Variants in PPP2R2C observed in about 807,000 individuals in gnomAD.
PPP2R2C encodes protein phosphatase 2, regulatory subunit B, gamma.
Under a neutral mutation model 45.3 loss-of-function variants are expected in PPP2R2C, and 10 were observed. The ratio of observed to expected loss-of-function variants is 0.22; its 90% CI spans 0.14 to 0.37. PPP2R2C has a LOEUF of 0.37. Among genes scored for constraint, PPP2R2C ranks in the 10% least tolerant of loss-of-function variants. The probability of loss-of-function intolerance (pLI) is 1.00; values close to 1 mark genes in which losing one functional copy is unlikely to be tolerated. For synonymous variants in PPP2R2C, 257 were observed against 245.4 expected (o/e 1.05, Z -0.44); for missense variants, 308 against 619.7 (o/e 0.50, Z 5.34).
At chr4:6,501,256 A>G (rs951257664) in intron 2 of PPP2R2C, among the ~76,000 whole-genome samples, 15 of 152,166 alleles carry the variant, frequency 9.9e-5, no homozygotes, top group Non-Finnish European at 2.1e-4. Flanking sequence ...AGATGAGGCA[A>G]TCACCCATCA....
Position 6,414,355 on chromosome 4 carries a change from G to A in PPP2R2C, c.71-33261C>T, listed in dbSNP as rs142916163. Among the ~76,000 whole-genome samples, 6 of 152,210 alleles carry A rather than the reference G, an allele frequency of 3.9e-5. No homozygotes were observed. In the East Asian group the frequency reaches 5.8e-4, roughly 15 times the overall value. ...TCGCAAACTCTCTGATCATGTGCACGGTGGGCATTCTGTGGAAACTAACAA... is the reference window on the plus strand; with the variant it reads ...TCGCAAACTCTCTGATCATGTGCACAGTGGGCATTCTGTGGAAACTAACAA... On this transcript the variant is annotated intron_variant, in intron 1 of 8. Coordinates refer to ENST00000382599, the MANE Select transcript of PPP2R2C (RefSeq NM_020416.4).
intron 1 of PPP2R2C, among the ~76,000 whole-genome samples, chr4:6,467,467 G>A (rs375049444): frequency 4.6e-5 from 7 of 152,260 alleles, no homozygotes; most frequent in East Asian, 1.9e-4. Flanking sequence ...CAGATCTCCC[G>A]ATGCCAGATC....
chr4:6,510,765 C>T (rs1048989361), intron 2 of PPP2R2C, among the ~76,000 whole-genome samples: 5 of 152,018 alleles, frequency 3.3e-5, no homozygotes, highest in African/African-American at 1.2e-4. Flanking sequence ...ACCCCGAGGT[C>T]AGGAGATAGA....
At chr4:6,520,594 G>C (rs1208060335) in intron 2 of PPP2R2C, among the ~76,000 whole-genome samples, 1 of 152,248 alleles carries the variant, frequency 6.6e-6, no homozygotes, top group African/African-American at 2.4e-5. Flanking sequence ...AGCCCTGTGT[G>C]ATTCAAGTCC....
chr4:6,390,550 G>A (rs979405453), intron 1 of PPP2R2C, among the ~76,000 whole-genome samples: 5 of 152,182 alleles, frequency 3.3e-5, no homozygotes, highest in South Asian at 2.1e-4. Context: ...GCCGGGCGGC[G>A]GGCGCATGGG....
rs1243443185 is a variant in PPP2R2C, at chr4:6,324,070, G to A, written c.1053-477C>T. 6.6e-6 allele frequency among the ~76,000 whole-genome samples: 1 copy of A among 152,136 alleles called. No individual in the cohort carries two copies. The highest frequency in any genetic ancestry group is 1.5e-5 in the Non-Finnish European group (1 of 68,022). ...TCTTATACCCCCTCACATGTCAGCT[G>A]CCACCAACATGCAGACTTTGGGGCC... is the stretch of plus-strand genomic sequence containing the variant. On this transcript the variant is annotated intron_variant, in intron 8 of 8. Coordinates refer to ENST00000382599, the MANE Select transcript of PPP2R2C (RefSeq NM_020416.4). This position sits in a 1 kb window ranked among gnomAD's most constrained non-coding sequence, Gnocchi z 4.1.
In PPP2R2C at chr4:6,372,590, C is replaced by T; in HGVS notation, c.558G>A (p.Glu186=). The change falls in exon 5 of 9, where the codon GAG becomes GAA. Residue 186 remains glutamate (E), a synonymous_variant. Coordinates refer to ENST00000382599, the MANE Select transcript of PPP2R2C (RefSeq NM_020416.4). ...GCAGGTCATCCGCCGACATGTAGGT[C>T]TCGCAGTCACTGTTGACGGAGATGG... The part of the protein sequence containing the change: ...INSISVNSDC[E]TYMSADDLRI... 1 of 1,614,208 alleles carries T rather than the reference C, an allele frequency of 6.2e-7. No individual in the cohort carries two copies. Among genetic ancestry groups the T allele is most frequent in the Non-Finnish European group, 8.5e-7 (1 of 1,180,036 alleles).
intron 1 of PPP2R2C, among the ~76,000 whole-genome samples, chr4:6,394,875 GC>G (rs766791023): frequency 4.8e-4 from 73 of 152,338 alleles, no homozygotes; most frequent in Admixed American, 1.0e-3. Flanking sequence ...GTGTCCATCA[GC>G]CCCCTTCCCA....
intron 5 of PPP2R2C, chr4:6,349,972 T>C (rs897112617): frequency 1.0e-6 from 1 of 985,390 alleles, no homozygotes; most frequent in African/African-American, 1.7e-5. Flanking sequence ...GGCTGATCTG[T>C]GCAGTCAGAA....
intron 1 of PPP2R2C, among the ~76,000 whole-genome samples, chr4:6,399,023 A>T (rs1355149770): frequency 2.0e-5 from 3 of 152,218 alleles, no homozygotes; most frequent in Non-Finnish European, 4.4e-5. Context: ...TATTCATATG[A>T]AATTCTTGAA....
chr4:6,377,845 G>T (rs958265274), intron 3 of PPP2R2C, among the ~76,000 whole-genome samples: 3 of 152,080 alleles, frequency 2.0e-5, no homozygotes, highest in Non-Finnish European at 4.4e-5. Flanking sequence ...GCGTCAGGCC[G>T]AGAGCCTCCG....
intron 5 of PPP2R2C, among the ~76,000 whole-genome samples, chr4:6,370,484 G>A (rs894536952): frequency 6.6e-6 from 1 of 152,184 alleles, no homozygotes; most frequent in African/African-American, 2.4e-5. Context: ...CAGCACCAGG[G>A]AGAGGTACAG....
At chr4:6,506,823 A>G (rs1273446815) in intron 2 of PPP2R2C, among the ~76,000 whole-genome samples, 3 of 151,674 alleles carry the variant, frequency 2.0e-5, no homozygotes, top group Non-Finnish European at 2.9e-5. Context: ...GCTCTTTCAC[A>G]TGTCTGGTGG....
At chr4:6,459,005 G>A (rs1173666437) in intron 1 of PPP2R2C, among the ~76,000 whole-genome samples, 1 of 152,178 alleles carries the variant, frequency 6.6e-6, no homozygotes, top group Non-Finnish European at 1.5e-5. Context: ...TGAGAAGGAG[G>A]AGGACCAGGA....
Position 6,333,629 on chromosome 4 carries a change from G to C in PPP2R2C, c.893C>G (p.Thr298Ser). 1 of 1,614,182 alleles carries C rather than the reference G, an allele frequency of 6.2e-7. No individual in the cohort carries two copies. Among genetic ancestry groups the C allele is most frequent in the Non-Finnish European group, 8.5e-7 (1 of 1,180,022 alleles). Residue 298 changes from threonine to serine, a missense_variant, in exon 7 of 9, where the codon ACC becomes AGC. By Grantham distance (58) the Thr-to-Ser change is moderately conservative. Coordinates refer to ENST00000382599, the MANE Select transcript of PPP2R2C (RefSeq NM_020416.4). ...KFSHSGRYMLTRDYLTVKVWD... is the reference protein window; with the variant it reads ...KFSHSGRYMLSRDYLTVKVWD... ...GACCTTGACTGTAAGGTAGTCCCGG[G>C]TGAGCATGTAGCGGCCGCTGTGGCT... is the stretch of plus-strand genomic sequence containing the variant.
In PPP2R2C at chr4:6,415,232, C is replaced by T. The variant is rs796239556; in HGVS notation, c.71-34138G>A. On this transcript the variant is annotated intron_variant, in intron 1 of 8. Coordinates refer to ENST00000382599, the MANE Select transcript of PPP2R2C (RefSeq NM_020416.4). ...GCCAGCGCCAGCATGTCCACTGTTA[C>T]AGCCGGCCTGGGGGCTCAGAGCCCC... is the stretch of plus-strand genomic sequence containing the variant. Among the ~76,000 whole-genome samples the T allele has an allele frequency of 5.3e-5, 8 of 152,356 alleles. No homozygotes were observed. The South Asian group carries it at 1.7e-3, about 32-fold the overall frequency.
Position 6,559,392 on chromosome 4 carries a change from A to T in PPP2R2C, c.-59+4168T>A, listed in dbSNP as rs1320812418. Among the ~76,000 whole-genome samples the T allele has an allele frequency of 2.9e-5, 4 of 135,906 alleles. No individual in the cohort carries two copies. In the Admixed American group the frequency reaches 3.0e-4, roughly 10 times the overall value. The allele number at this position is 135,906 out of a possible 152,430, so 89.2% of individuals were successfully genotyped here. ...ATAAATGGCAGTTCTGAAAAAATAC[A>T]CAGCACACACACACACACACACACA... is the stretch of plus-strand genomic sequence containing the variant. On this transcript the variant is annotated intron_variant, in intron 1 of 9. Coordinates refer to the PPP2R2C transcript ENST00000506140.
At chr4:6,468,342 T>C (rs918668039) in intron 1 of PPP2R2C, among the ~76,000 whole-genome samples, 16 of 152,182 alleles carry the variant, frequency 1.1e-4, no homozygotes, top group African/African-American at 2.4e-5. Flanking sequence ...CATCCTTCAC[T>C]TCCTCAACTA....
intron 5 of PPP2R2C, 129 bp downstream of exon 5, chr4:6,372,392 GGT>G: frequency 1.1e-6 from 1 of 933,476 alleles, no homozygotes; most frequent in Non-Finnish European, 1.6e-6. Context: ...AGGAGCCAGA[GGT>G]GCCTCACTGA....
Sources: gnomAD v4.1 joint callset for allele counts (sites outside exome capture counted in the v4.1 genomes callset) on GRCh38, gnomAD v4.1.1 for gene constraint, Gnocchi (gnomAD v3.1) non-coding constraint, MANE v1.5 for transcripts, NCBI Gene and HGNC (gene_info 2026-07-23, HGNC 2026-07-21) for gene names.